Variants in NMNAT1 observed in about 807,000 individuals in gnomAD.
NMNAT1 encodes nicotinamide nucleotide adenylyltransferase 1, also known as nicotinamide/nicotinic acid mononucleotide adenylyltransferase 1.
NMNAT1 carries 11 observed loss-of-function variants against 16.7 expected under a neutral mutation model. That is an observed-to-expected ratio of 0.66 (90% CI 0.41 to 1.09). The LOEUF (loss-of-function observed/expected upper bound fraction) is 1.09. Ranked by LOEUF, NMNAT1 falls within the 50% of genes least tolerant of loss-of-function variation. NMNAT1 has a pLI of 0.00. For synonymous variants in NMNAT1, 110 were observed against 119.8 expected, an observed-to-expected ratio of 0.92 and a Z score of 0.53; for missense variants, 280 against 332.3, an observed-to-expected ratio of 0.84 and a Z score of 1.22.
chr1:9,987,989 G>GT, downstream of NMNAT1, among the ~76,000 whole-genome samples: 1 of 151,824 alleles, frequency 6.6e-6, no homozygotes, highest in Non-Finnish European at 1.5e-5. Context: ...ATGAAGTATG[G>GT]TTTTTTTAGT....
chr1:9,979,003 G>C (rs1483038314), intron 3 of NMNAT1, among the ~76,000 whole-genome samples: 3 of 152,150 alleles, frequency 2.0e-5, no homozygotes, highest in Non-Finnish European at 4.4e-5. Flanking sequence ...TCAAGTCCTG[G>C]CTCTGCTATT....
chr1:9,984,777 A>T lies in NMNAT1; in HGVS notation c.*2076A>T, dbSNP rs573511836. 2 of 152,292 alleles carry T rather than the reference A, an allele frequency of 1.3e-5. No homozygotes were observed. Among genetic ancestry groups the T allele is most frequent in the South Asian group, 4.1e-4 (2 of 4,826 alleles). 9.4% of individuals were successfully genotyped at this position (152,292 alleles called of 1,614,324 possible). A position where few individuals can be genotyped will look rare whatever the true frequency, so the allele number is the denominator to read the frequency against. ...GTAAAAGTCCTTGATTGGCATCTTC[A>T]TTCGGATGATGGAGAGCCTTTGTGG... On this transcript the variant is annotated 3_prime_UTR_variant, in exon 5 of 5. Transcript: ENST00000377205.
intron 1 of NMNAT1, among the ~76,000 whole-genome samples, chr1:9,962,437 G>C (rs528959538): frequency 1.3e-5 from 2 of 148,926 alleles, no homozygotes; most frequent in Non-Finnish European, 3.0e-5. Context: ...AGCCGAGATC[G>C]CGCCACTGCA....
chr1:9,987,214 A>C (rs1642055618), downstream of NMNAT1, among the ~76,000 whole-genome samples: 2 of 149,926 alleles, frequency 1.3e-5, no homozygotes, highest in South Asian at 4.2e-4. Context: ...AACAAAAACA[A>C]AACAAGTGTA....
intron 3 of NMNAT1, among the ~76,000 whole-genome samples, chr1:9,978,337 C>CA (rs1182226558): frequency 6.6e-6 from 1 of 152,186 alleles, no homozygotes; most frequent in Non-Finnish European, 1.5e-5. Context: ...GCCTGGGTGA[C>CA]AGAGTGAGAC....
chr1:9,996,309 CAAAAAAAAAAA>C, the NMNAT1 span, among the ~76,000 whole-genome samples: 630 of 101,908 alleles, frequency 6.2e-3, 7 homozygotes, highest in African/African-American at 0.022. Flanking sequence ...GACTCCGTCT[CAAAAAAAAAAA>C]AAAAAAGAAA....
chr1:9,972,420 C>T lies in NMNAT1; in HGVS notation c.115+232C>T, dbSNP rs578035308. On this transcript the variant is annotated intron_variant, in intron 2 of 4. Coordinates refer to ENST00000377205, the MANE Select transcript of NMNAT1 (RefSeq NM_022787.4). ...CTGAGGCAGTAGAATCGCTTGAACC[C>T]GGGAGGCGGAGGTTGCAGTGAGCTG... 745 of 296,538 alleles carry T rather than the reference C, an allele frequency of 2.5e-3. 4 individuals are homozygous for T. Among genetic ancestry groups the T allele is most frequent in the Non-Finnish European group, 3.3e-3 (519 of 157,972 alleles). The allele number at this position is 296,538 out of a possible 1,614,324, so 18.4% of individuals were successfully genotyped here.
At chr1:9,944,265 TA>T (rs1329609038) in intron 1 of NMNAT1, among the ~76,000 whole-genome samples, 12 of 151,088 alleles carry the variant, frequency 7.9e-5, no homozygotes, top group African/African-American at 2.9e-4. Context: ...AAAATAAAAA[TA>T]AAAAAAAGTT....
chr1:9,944,227 C>T (rs1015936645), intron 1 of NMNAT1, among the ~76,000 whole-genome samples: 4 of 151,808 alleles, frequency 2.6e-5, no homozygotes, highest in Non-Finnish European at 4.4e-5. Flanking sequence ...GCACTCCAGC[C>T]GGGGCGACAG....
rs72859504 is a variant in NMNAT1 at position 9,946,013 on chromosome 1, C to A, written c.-57+2498C>A. Reference sequence around the variant, plus strand: ...AAGTAATCCTCCCACCTTGGCCCCGCAAAGTGCCGGAATTACAGGCATGAG... The same window carrying A: ...AAGTAATCCTCCCACCTTGGCCCCGAAAAGTGCCGGAATTACAGGCATGAG... On this transcript the variant is annotated intron_variant, in intron 1 of 4. Coordinates refer to ENST00000377205, the MANE Select transcript of NMNAT1 (RefSeq NM_022787.4). Among the ~76,000 whole-genome samples the A allele has an allele frequency of 7.6e-3, 1,154 of 152,298 alleles. 17 individuals carry two copies. Among genetic ancestry groups the A allele is most frequent in the African/African-American group, 0.027 (1,113 of 41,568 alleles).
chr1:9,971,674 A>G (rs914837846), intron 1 of NMNAT1, among the ~76,000 whole-genome samples: 2 of 152,052 alleles, frequency 1.3e-5, no homozygotes, highest in Non-Finnish European at 2.9e-5. Flanking sequence ...CAAAAGACCT[A>G]TAACTGGGCT....
At chr1:9,948,440 G>A (rs776644664) in intron 1 of NMNAT1, among the ~76,000 whole-genome samples, 4 of 152,014 alleles carry the variant, frequency 2.6e-5, no homozygotes, top group Non-Finnish European at 5.9e-5. Flanking sequence ...AGCCAGGTCT[G>A]GTGGGGCATA....
At position 9,975,704 on chromosome 1, in the gene NMNAT1, T is replaced by C. The variant is rs920968079; in HGVS notation, c.228T>C (p.Asn76=). The C allele has an allele frequency of 1.2e-6, 2 of 1,613,932 alleles. No individual in the cohort carries two copies. The highest frequency in any genetic ancestry group is 2.7e-5 in the African/African-American group (2 of 74,914). Residue 76 remains asparagine (N), a synonymous_variant, in exon 3 of 5, where the codon AAT becomes AAC. Coordinates refer to ENST00000377205, the MANE Select transcript of NMNAT1 (RefSeq NM_022787.4). ...TCATGGCAGAACTTGCTACCAAGAA[T>C]TCTAAATGGGTGGAAGTTGATACAT... ...RVIMAELATK[N]SKWVEVDTWE... is the part of the protein sequence containing the mutation.
At chr1:9,967,195 G>T (rs763566795) in intron 1 of NMNAT1, among the ~76,000 whole-genome samples, 1 of 152,018 alleles carries the variant, frequency 6.6e-6, no homozygotes, top group Non-Finnish European at 1.5e-5. Flanking sequence ...CTGCACTCCA[G>T]CCTGGGTGAC....
chr1:9,953,797 C>CTTT (rs34585788), intron 1 of NMNAT1, among the ~76,000 whole-genome samples: 2 of 60,148 alleles, frequency 3.3e-5, no homozygotes, highest in African/African-American at 5.2e-5. Flanking sequence ...ATATATCACT[C>CTTT]TTTTTTTTTT....
upstream of NMNAT1, chr1:9,942,958 T>G: frequency 2.8e-6 from 1 of 352,156 alleles, no homozygotes; most frequent in South Asian, 2.1e-5. Flanking sequence ...GCCGAGAGGG[T>G]CTTTGAGGAA....
chr1:9,979,888 TC>T (rs1641903301), intron 3 of NMNAT1, among the ~76,000 whole-genome samples: 1 of 152,046 alleles, frequency 6.6e-6, no homozygotes, highest in South Asian at 2.1e-4. Context: ...CCTTTCTCCT[TC>T]CCTTACGGAG....
At chr1:9,961,120 AG>A (rs1261850272) in intron 1 of NMNAT1, among the ~76,000 whole-genome samples, 1 of 152,184 alleles carries the variant, frequency 6.6e-6, no homozygotes, top group African/African-American at 2.4e-5. Context: ...AGATGTAACA[AG>A]GGAGAAAGAC....
At position 9,962,439 on chromosome 1, in the gene NMNAT1, G is replaced by A. The variant is rs544357454; in HGVS notation, c.-56-9579G>A. Reference sequence around the variant, plus strand: ...GGAGCTTGCAGTGAGCCGAGATCGCGCCACTGCACTCCAGCCTGGGCGACA... The same window carrying A: ...GGAGCTTGCAGTGAGCCGAGATCGCACCACTGCACTCCAGCCTGGGCGACA... On this transcript the variant is annotated intron_variant, in intron 1 of 4. Coordinates refer to ENST00000377205, the MANE Select transcript of NMNAT1 (RefSeq NM_022787.4). Among the ~76,000 whole-genome samples, 330 of 147,858 alleles carry A rather than the reference G, an allele frequency of 2.2e-3. 1 individual carries two copies. The highest frequency in any genetic ancestry group is 7.9e-3 in the African/African-American group (316 of 40,162).
Sources: allele counts gnomAD v4.1 joint callset (sites outside exome capture counted in the v4.1 genomes callset), GRCh38; gene constraint gnomAD v4.1.1; transcripts MANE v1.5; gene names NCBI Gene and HGNC (gene_info 2026-07-23, HGNC 2026-07-21).